Variants in LRRIQ3 observed in about 807,000 individuals in gnomAD.
LRRIQ3 encodes leucine rich repeats and IQ motif containing 3.
In LRRIQ3, 75 loss-of-function variants were observed where a neutral mutation model predicts 59.3. That is an observed-to-expected ratio of 1.26 (90% CI 1.05 to 1.53). LRRIQ3 has a LOEUF of 1.53. Ranked by LOEUF, LRRIQ3 falls within the 40% of genes most tolerant of loss-of-function variation. The pLI is 0.00. For missense variants in LRRIQ3, 831 were observed against 710.0 expected, an observed-to-expected ratio of 1.17 and a Z score of -1.94; for synonymous variants, 250 against 231.3, an observed-to-expected ratio of 1.08 and a Z score of -0.73.
intron 3 of LRRIQ3, among the ~76,000 whole-genome samples, chr1:74,177,271 A>C (rs977509799): frequency 1.3e-5 from 2 of 152,042 alleles, no homozygotes; most frequent in Non-Finnish European, 2.9e-5. Flanking sequence ...CTCCCAGCCT[A>C]CATCTTTCTC....
intron 4 of LRRIQ3, among the ~76,000 whole-genome samples, chr1:74,117,538 G>A (rs1409767561): frequency 1.3e-5 from 2 of 152,160 alleles, no homozygotes; most frequent in Non-Finnish European, 2.9e-5. Context: ...GGCCGAGGTG[G>A]GCAAATCACT....
intron 5 of LRRIQ3, among the ~76,000 whole-genome samples, chr1:74,078,485 A>C (rs1259097158): frequency 6.6e-6 from 1 of 151,950 alleles, no homozygotes; most frequent in Non-Finnish European, 1.5e-5. Context: ...ACATACGCTT[A>C]ATCACTGGGA....
chr1:74,056,699 T>C (rs554536683), intron 6 of LRRIQ3, among the ~76,000 whole-genome samples: 1 of 152,158 alleles, frequency 6.6e-6, no homozygotes, highest in African/African-American at 2.4e-5. Flanking sequence ...AAAATACTGA[T>C]GAAATAGTTT....
intron 1 of LRRIQ3, among the ~76,000 whole-genome samples, 174 bp downstream of exon 1, chr1:74,197,822 A>C (rs1378311203): frequency 6.6e-6 from 1 of 152,186 alleles, no homozygotes; most frequent in Non-Finnish European, 1.5e-5. Context: ...GGGGGAAAGG[A>C]GAGATGGCGG....
At chr1:74,053,597 G>C (rs1159704248) in intron 6 of LRRIQ3, among the ~76,000 whole-genome samples, 2 of 152,208 alleles carry the variant, frequency 1.3e-5, no homozygotes, top group East Asian at 3.9e-4. Flanking sequence ...GCTAAGGCAG[G>C]AGGATTGCTT....
intron 4 of LRRIQ3, among the ~76,000 whole-genome samples, chr1:74,126,882 T>A (rs930840265): frequency 2.0e-5 from 3 of 151,902 alleles, no homozygotes; most frequent in African/African-American, 7.2e-5. Flanking sequence ...TATAATGTAG[T>A]CTAAGTCCAG....
chr1:74,092,004 G>A (rs1646399848), intron 5 of LRRIQ3, among the ~76,000 whole-genome samples: 1 of 151,770 alleles, frequency 6.6e-6, no homozygotes, highest in Admixed American at 6.6e-5. Flanking sequence ...TGAATGTAAT[G>A]ATAAAACCAA....
chr1:74,144,652 T>A (rs571427675), intron 4 of LRRIQ3: 217 of 193,374 alleles, frequency 1.1e-3, no homozygotes, highest in Non-Finnish European at 1.6e-3. Flanking sequence ...TATATAAAGC[T>A]AATTAGTAAA....
At chr1:74,079,027 G>T (rs1646242028) in intron 5 of LRRIQ3, among the ~76,000 whole-genome samples, 1 of 151,652 alleles carries the variant, frequency 6.6e-6, no homozygotes, top group African/African-American at 2.4e-5. Context: ...TAAATTTTCA[G>T]CTACTTCTCT....
At chr1:74,101,862 G>T (rs958124608) in intron 5 of LRRIQ3, among the ~76,000 whole-genome samples, 15 of 151,972 alleles carry the variant, frequency 9.9e-5, no homozygotes, top group African/African-American at 3.6e-4. Context: ...TGAACAATGA[G>T]AACACTTGGA....
intron 4 of LRRIQ3, among the ~76,000 whole-genome samples, chr1:74,145,086 T>C (rs1372408225): frequency 2.0e-5 from 3 of 152,126 alleles, no homozygotes; most frequent in African/African-American, 7.2e-5. Context: ...AATCCTTCCA[T>C]TTTGGGTACC....
At chr1:74,105,154 CAATA>C (rs1449214519) in intron 5 of LRRIQ3, among the ~76,000 whole-genome samples, 2 of 151,718 alleles carry the variant, frequency 1.3e-5, no homozygotes, top group African/African-American at 4.8e-5. Flanking sequence ...CTTTAGAAAG[CAATA>C]ATTATCTAAA....
Position 74,183,567 on chromosome 1 carries a change from A to C in LRRIQ3, c.118T>G (p.Leu40Val). 1 of 1,612,186 alleles carries C rather than the reference A, an allele frequency of 6.2e-7. No individual in the cohort carries two copies. Among genetic ancestry groups the C allele is most frequent in the African/African-American group, 1.3e-5 (1 of 74,966 alleles). Residue 40 changes from leucine (L) to valine (V), a missense_variant, in exon 2 of 8, where the codon TTA becomes GTA. By Grantham distance (32) the Leu-to-Val change is conservative. Coordinates refer to ENST00000354431, the MANE Select transcript of LRRIQ3 (RefSeq NM_001105659.2). ...FVFVKFNGLHLKSMENLQSCI... is the reference protein window; with the variant it reads ...FVFVKFNGLHVKSMENLQSCI... ...GACTGCAAATTTTCCATAGACTTTA[A>C]ATGAAGGCCATTGAACTTCACAAAA...
At chr1:74,101,888 A>G (rs369159527) in intron 5 of LRRIQ3, among the ~76,000 whole-genome samples, 19 of 152,090 alleles carry the variant, frequency 1.2e-4, no homozygotes, top group African/African-American at 4.3e-4. Flanking sequence ...GAAGGGGAAC[A>G]TCACACACTG....
intron 6 of LRRIQ3, among the ~76,000 whole-genome samples, chr1:74,046,369 A>T (rs1215516219): frequency 6.6e-6 from 1 of 152,176 alleles, no homozygotes; most frequent in Non-Finnish European, 1.5e-5. Context: ...AGGGTACCCT[A>T]ATTAATAAAT....
rs182951606 is a variant in LRRIQ3, at chr1:74,072,564, T to A, written c.997+2097A>T. On this transcript the variant is annotated intron_variant, in intron 6 of 7. Transcript: ENST00000354431. ...TTCTTAAATTTCTTCATATTTGGGC[T>A]TGTGAACAAAGAAGAAAAAATAATC... Among the ~76,000 whole-genome samples, 9 of 152,086 alleles carry A rather than the reference T, an allele frequency of 5.9e-5. No homozygotes were observed. In the East Asian group the frequency reaches 1.7e-3, roughly 29 times the overall value.
At position 74,182,817 on chromosome 1, in the gene LRRIQ3, G is replaced by T. The variant is rs143359773; in HGVS notation, c.294C>A (p.Asn98Lys). The change falls in exon 3 of 8, where the codon AAC (asparagine) becomes AAA (lysine). Residue 98 changes from asparagine to lysine, a missense_variant. Coordinates refer to ENST00000354431, the MANE Select transcript of LRRIQ3 (RefSeq NM_001105659.2). ...TGTCATGAAGATAGAGTAGTTTTAG[G>T]TTCTTCAATCCATTCCAAAATTTGG... ...PNTKFWNGLK[N>K]LKLLYLHDNG... 1 of 1,586,696 alleles carries T rather than the reference G, an allele frequency of 6.3e-7. No homozygotes were observed. Among genetic ancestry groups the T allele is most frequent in the African/African-American group, 1.3e-5 (1 of 74,178 alleles).
At chr1:74,096,896 C>T (rs753932341) in intron 5 of LRRIQ3, among the ~76,000 whole-genome samples, 2 of 152,064 alleles carry the variant, frequency 1.3e-5, no homozygotes, top group Admixed American at 6.6e-5. Flanking sequence ...GCTGCCTGAT[C>T]GTTCCTCTGG....
intron 6 of LRRIQ3, among the ~76,000 whole-genome samples, chr1:74,049,741 C>T (rs554739673): frequency 1.3e-3 from 197 of 152,106 alleles, no homozygotes; most frequent in Middle Eastern, 0.01. Flanking sequence ...CCTAATTCAA[C>T]GTCATATTCA....
Sources: gnomAD v4.1 joint callset for allele counts (sites outside exome capture counted in the v4.1 genomes callset) on GRCh38, gnomAD v4.1.1 for gene constraint, MANE v1.5 for transcripts, NCBI Gene and HGNC (gene_info 2026-07-23, HGNC 2026-07-21) for gene names.